Variants in ANKRD30B observed in about 807,000 individuals in gnomAD.
ANKRD30B encodes ankyrin repeat domain 30B.
Under a neutral mutation model 202.2 loss-of-function variants are expected in ANKRD30B, and 144 were observed. That is an observed-to-expected ratio of 0.71 (90% CI 0.62 to 0.82). The LOEUF is 0.82. Ranked by LOEUF, ANKRD30B falls within the 40% of genes least tolerant of loss-of-function variation. ANKRD30B has a pLI of 0.00. For missense variants in ANKRD30B, 1,487 were observed against 1,669.1 expected, an observed-to-expected ratio of 0.89 and a Z score of 1.90; for synonymous variants, 508 against 561.3, an observed-to-expected ratio of 0.91 and a Z score of 1.34.
chr18:14,917,189 C>T, the ANKRD30B span, among the ~76,000 whole-genome samples: 5 of 152,238 alleles, frequency 3.3e-5, 1 homozygote, highest in Admixed American at 2.0e-4. Flanking sequence ...CATTCTCCGT[C>T]TTCTGTGCAG....
At chr18:14,791,929 A>C (rs1968541555) in intron 16 of ANKRD30B, among the ~76,000 whole-genome samples, 1 of 152,126 alleles carries the variant, frequency 6.6e-6, no homozygotes, top group Non-Finnish European at 1.5e-5. Context: ...GCCAAAACAT[A>C]CCAGAGAATT....
At chr18:14,789,744 A>C (rs1968336720) in intron 15 of ANKRD30B, among the ~76,000 whole-genome samples, 2 of 151,980 alleles carry the variant, frequency 1.3e-5, no homozygotes, top group Non-Finnish European at 2.9e-5. Context: ...TGTTCCATTG[A>C]TCTATATCTC....
chr18:14,888,828 C>G, the ANKRD30B span: 1 of 974,792 alleles, frequency 1.0e-6, no homozygotes, highest in Non-Finnish European at 1.6e-6. Context: ...GTCCATTTAG[C>G]TGAGGCATAT....
chr18:14,939,237 G>T, the ANKRD30B span, among the ~76,000 whole-genome samples: 1 of 152,144 alleles, frequency 6.6e-6, no homozygotes, highest in Non-Finnish European at 1.5e-5. Context: ...GGGGCAGTAA[G>T]GTCATCATCC....
chr18:14,932,019 T>C, the ANKRD30B span, among the ~76,000 whole-genome samples: 6 of 83,570 alleles, frequency 7.2e-5, no homozygotes, highest in Admixed American at 2.8e-4. Context: ...CCTCCTGCTC[T>C]GTCCCAGGCG....
At chr18:14,860,790 T>C in the ANKRD30B span, among the ~76,000 whole-genome samples, 36 of 152,110 alleles carry the variant, frequency 2.4e-4, no homozygotes, top group African/African-American at 7.5e-4. Context: ...CTGCAACCTC[T>C]GCTTCCTGGA....
At chr18:14,798,742 G>T (rs1202599551) in intron 20 of ANKRD30B, among the ~76,000 whole-genome samples, 1 of 152,128 alleles carries the variant, frequency 6.6e-6, no homozygotes, top group Non-Finnish European at 1.5e-5. Context: ...CCTTGGTGAT[G>T]TGAAACCTCC....
At chr18:14,786,626 G>A (rs749396560) in intron 14 of ANKRD30B, among the ~76,000 whole-genome samples, 9 of 152,082 alleles carry the variant, frequency 5.9e-5, no homozygotes, top group Non-Finnish European at 1.3e-4. Flanking sequence ...TTTTTGAAGA[G>A]CTGTGTAATA....
Position 14,796,617 on chromosome 18 carries a change from T to A in ANKRD30B, c.1927+202T>A, listed in dbSNP as rs150418583. 5.9e-5 allele frequency among the ~76,000 whole-genome samples: 9 copies of A among 152,244 alleles called. No homozygotes were observed. In the East Asian group the frequency reaches 1.7e-3, roughly 29 times the overall value. On this transcript the variant is annotated intron_variant, in intron 18 of 43. Transcript: ENST00000690538. The stretch of plus-strand genomic sequence containing the variant: ...TTAGAGATTAACAAAAAATTCAGCT[T>A]TGCCTCATGTGGATATCTGTCCAGC...
At chr18:14,900,205 T>C in the ANKRD30B span, among the ~76,000 whole-genome samples, 5 of 152,186 alleles carry the variant, frequency 3.3e-5, no homozygotes, top group Non-Finnish European at 7.4e-5. Context: ...ATTCTGTTTA[T>C]AATTTGGCAT....
chr18:14,792,945 G>A (rs1304550741), intron 16 of ANKRD30B, among the ~76,000 whole-genome samples: 1 of 151,946 alleles, frequency 6.6e-6, no homozygotes, highest in Admixed American at 6.6e-5. Flanking sequence ...TACTTAAATT[G>A]TTGTTATTCA....
At chr18:14,793,363 T>C (rs1253818897) in intron 16 of ANKRD30B, among the ~76,000 whole-genome samples, 1 of 152,230 alleles carries the variant, frequency 6.6e-6, no homozygotes, top group Admixed American at 6.5e-5. Flanking sequence ...CAAATTATTA[T>C]AATGTGTTGC....
At chr18:14,900,463 T>C in the ANKRD30B span, among the ~76,000 whole-genome samples, 1 of 152,184 alleles carries the variant, frequency 6.6e-6, no homozygotes, top group Non-Finnish European at 1.5e-5. Flanking sequence ...CTTCTTGTCA[T>C]ATCTTTGCCC....
chr18:14,828,131 CT>C, intron 32 of ANKRD30B, 146 bp from the exon 33 acceptor site: 1 of 644,038 alleles, frequency 1.6e-6, no homozygotes, highest in Non-Finnish European at 2.7e-6. Flanking sequence ...TTTCAGACTC[CT>C]GGACCTCTCA....
At position 14,809,028 on chromosome 18, in the gene ANKRD30B, G is replaced by A. The variant is rs45589437; in HGVS notation, c.2386+284G>A. Among the ~76,000 whole-genome samples, 3 of 149,240 alleles carry A rather than the reference G, an allele frequency of 2.0e-5. No homozygotes were observed. In the East Asian group the frequency reaches 5.9e-4, roughly 29 times the overall value. On this transcript the variant is annotated intron_variant, in intron 26 of 43. Transcript: ENST00000690538. Reference sequence around the variant, plus strand: ...CCAGGTGGATCGGCAGGTTGAGAAAGAATAGACACAGACAAGATAGTGAAA... The same window carrying A: ...CCAGGTGGATCGGCAGGTTGAGAAAAAATAGACACAGACAAGATAGTGAAA...
At position 14,772,239 on chromosome 18, in the gene ANKRD30B, C is replaced by G. The variant is rs372919069; in HGVS notation, c.1329+11C>G. On this transcript the variant is annotated intron_variant, in intron 9 of 43. Transcript: ENST00000690538. ...AATCTTGCTACCAAGGTAAAATGTT[C>G]TTTTGTGAAGTTGATTTTCTCAGTT... 177 of 1,470,418 alleles carry G rather than the reference C, an allele frequency of 1.2e-4. No homozygotes were observed. Among genetic ancestry groups the G allele is most frequent in the Non-Finnish European group, 1.6e-4 (171 of 1,097,516 alleles). The allele number at this position is 1,470,418 out of a possible 1,614,324, so 91.1% of individuals were successfully genotyped here.
rs9748457 is a variant in ANKRD30B at position 14,799,191 on chromosome 18, A to C, written c.2059-32A>C. The C allele has an allele frequency of 3.7e-4, 583 of 1,584,336 alleles. 3 individuals are homozygous for C. In the African/African-American group the frequency reaches 5.6e-3, roughly 15 times the overall value. On this transcript the variant is annotated intron_variant, in intron 21 of 43. Coordinates refer to ENST00000690538, the MANE Select transcript of ANKRD30B (RefSeq NM_001367607.2). ...ACATATTTTATGAAGTATACATTAT[A>C]TGTTAATTTTTGTGTTTCCAAACCC...
At chr18:14,896,267 G>T in the ANKRD30B span, among the ~76,000 whole-genome samples, 1 of 151,910 alleles carries the variant, frequency 6.6e-6, no homozygotes, top group Non-Finnish European at 1.5e-5. Context: ...GAATAGCTGG[G>T]ACTACAGGCA....
At chr18:14,883,221 A>G in the ANKRD30B span, among the ~76,000 whole-genome samples, 2 of 152,104 alleles carry the variant, frequency 1.3e-5, no homozygotes, top group African/African-American at 4.8e-5. Flanking sequence ...TCTCAACTAC[A>G]GAGGCACATT....
Sources: gnomAD v4.1 joint callset for allele counts (sites outside exome capture counted in the v4.1 genomes callset) on GRCh38, gnomAD v4.1.1 for gene constraint, MANE v1.5 for transcripts, NCBI Gene and HGNC (gene_info 2026-07-23, HGNC 2026-07-21) for gene names.